DIDO1: variants seen among roughly 807,000 people sequenced by gnomAD.
DIDO1 encodes death inducer-obliterator 1, also known as death-inducer obliterator 1.
DIDO1 carries 16 observed loss-of-function variants against 99.4 expected under a neutral mutation model. The ratio of observed to expected loss-of-function variants is 0.16; its 90% CI spans 0.11 to 0.24. DIDO1 has a LOEUF of 0.24. DIDO1 is among the 10% of genes least tolerant of loss of function. The pLI is 1.00. For missense variants in DIDO1, 2,996 were observed against 3,014.0 expected (o/e 0.99, Z 0.14); for synonymous variants, 1,366 against 1,239.1 (o/e 1.10, Z -2.15).
In DIDO1 at chr20:62,906,097, C is replaced by G. The variant is rs1213807812; in HGVS notation, c.1378G>C (p.Gly460Arg). 2.5e-6 allele frequency: 4 copies of G among 1,605,522 alleles called. No individual in the cohort carries two copies. The highest frequency in any genetic ancestry group is 2.6e-6 in the Non-Finnish European group (3 of 1,175,504). Residue 460 changes from glycine (G) to arginine (R), a missense_variant, in exon 6 of 16, where the codon GGT becomes CGT. Physicochemically the swap from Gly to Arg is moderately radical, Grantham distance 125 (BLOSUM62 -2). Transcript: ENST00000395343. The stretch of plus-strand genomic sequence containing the variant: ...TTGTGCACAGAAGAGATTTTAATAC[C>G]TGCCTGGATAATCAGTAAAACCCCA... ...PSLPKCGAQA[G>R]IKISSVHKRP... is the part of the protein sequence containing the mutation.
chr20:62,930,055 C>A (rs1384647631), upstream of DIDO1, among the ~76,000 whole-genome samples: 3 of 152,036 alleles, frequency 2.0e-5, no homozygotes, highest in African/African-American at 7.2e-5. Context: ...GCCTGACCAA[C>A]ATGGTGAAAC....
chr20:62,880,938 G>A lies in DIDO1; in HGVS notation c.5018C>T (p.Pro1673Leu), dbSNP rs758594753. ...GTCCCTCTCACCGTCGTGCTGCAGCGGGAAGCCGGGCTGCAGGGCGCCGCA... is the reference window on the plus strand; with the variant it reads ...GTCCCTCTCACCGTCGTGCTGCAGCAGGAAGCCGGGCTGCAGGGCGCCGCA... Reference protein sequence around the residue: ...PPCGALQPGFPLQHDGERDPF... With the variant: ...PPCGALQPGFLLQHDGERDPF... Residue 1673 changes from proline to leucine, a missense_variant, in exon 16 of 16, where the codon CCG becomes CTG. Physicochemically the swap from Pro to Leu is moderately conservative, Grantham distance 98. Coordinates refer to ENST00000395343, the MANE Select transcript of DIDO1 (RefSeq NM_001193369.2). 8.7e-6 allele frequency: 14 copies of A among 1,608,582 alleles called. No homozygotes were observed. In the East Asian group the frequency reaches 1.3e-4, roughly 15 times the overall value.
At chr20:62,925,051 G>A (rs1464160902) in intron 1 of DIDO1, among the ~76,000 whole-genome samples, 1 of 152,168 alleles carries the variant, frequency 6.6e-6, no homozygotes, top group African/African-American at 2.4e-5. Context: ...CTTCCTGGGT[G>A]ACACTTCTGA....
chr20:62,907,134 C>T lies in DIDO1; in HGVS notation c.1374+13G>A, dbSNP rs1300381644. On this transcript the variant is annotated intron_variant, in intron 5 of 15. Transcript: ENST00000395343. ...GCGTCCACTGCCTGGGCGGCTGGTCCTGGTCCACTCACCTGAGCACCGCAT... is the reference window on the plus strand; with the variant it reads ...GCGTCCACTGCCTGGGCGGCTGGTCTTGGTCCACTCACCTGAGCACCGCAT... 1 of 1,613,928 alleles carries T rather than the reference C, an allele frequency of 6.2e-7. No individual in the cohort carries two copies. Among genetic ancestry groups the T allele is most frequent in the African/African-American group, 1.3e-5 (1 of 74,930 alleles).
rs769371080 is a variant in DIDO1, at chr20:62,879,505, G to A, written c.6451C>T (p.Arg2151Trp). Residue 2151 changes from arginine (R) to tryptophan (W), a missense_variant, in exon 16 of 16, where the codon CGG becomes TGG. This residue lies in a region of DIDO1 where 1,562 missense variants were observed against 1,412.6 expected (regional missense o/e 1.11). Coordinates refer to ENST00000395343, the MANE Select transcript of DIDO1 (RefSeq NM_001193369.2). The surrounding 1 kb of genome is among the most constrained non-coding windows in gnomAD (Gnocchi z 6.3). ...KDSSRDWDRN[R>W]ERSANRDRER... Reference sequence around the variant, plus strand: ...CGGTCGCGGTTGGCGCTCCTCTCCCGGTTTCTGTCCCAGTCCCGGCTGGAG... The same window carrying A: ...CGGTCGCGGTTGGCGCTCCTCTCCCAGTTTCTGTCCCAGTCCCGGCTGGAG... 3 of 1,597,466 alleles carry A rather than the reference G, an allele frequency of 1.9e-6. No homozygotes were observed. In the South Asian group the frequency reaches 3.3e-5, roughly 18 times the overall value.
intron 6 of DIDO1, among the ~76,000 whole-genome samples, chr20:62,903,228 G>C (rs2064722928): frequency 6.6e-6 from 1 of 152,164 alleles, no homozygotes; most frequent in Non-Finnish European, 1.5e-5. Context: ...TCTTAGCAGG[G>C]GGCACAGCCT....
intron 4 of DIDO1, among the ~76,000 whole-genome samples, chr20:62,907,588 G>A (rs954513763): frequency 5.9e-5 from 9 of 152,222 alleles, no homozygotes; most frequent in African/African-American, 2.2e-4. Context: ...AGGAGTGTGA[G>A]GAGACCCCTG....
intron 12 of DIDO1, among the ~76,000 whole-genome samples, chr20:62,893,277 A>G (rs1057033720): frequency 1.3e-5 from 2 of 152,216 alleles, no homozygotes; most frequent in African/African-American, 4.8e-5. Flanking sequence ...TGCTGGGATG[A>G]CAGGTGTGAG....
At chr20:62,916,821 G>GA (rs2065046603) in intron 1 of DIDO1, among the ~76,000 whole-genome samples, 1 of 152,152 alleles carries the variant, frequency 6.6e-6, no homozygotes, top group African/African-American at 2.4e-5. Flanking sequence ...TCTCGCCAAG[G>GA]AGCAGTTTCA....
At chr20:62,907,799 T>C (rs1207877034) in intron 4 of DIDO1, among the ~76,000 whole-genome samples, 2 of 152,242 alleles carry the variant, frequency 1.3e-5, no homozygotes, top group Non-Finnish European at 2.9e-5. Flanking sequence ...GGGTCTTTCA[T>C]GAAGAGAGAA....
intron 6 of DIDO1, among the ~76,000 whole-genome samples, chr20:62,904,505 C>T (rs191024492): frequency 2.6e-5 from 4 of 152,176 alleles, no homozygotes; most frequent in South Asian, 2.1e-4. Flanking sequence ...TTTAGCCAAG[C>T]GCTGTGGCTC....
Position 62,881,526 on chromosome 20 carries a change from T to A in DIDO1, c.4430A>T (p.Lys1477Met), listed in dbSNP as rs771155560. The stretch of plus-strand genomic sequence containing the variant: ...CTGTTTGTTCAGCTCTTCTAGCATC[T>A]TCTGTTGCTCCACCAGGGAGGGCGT... The part of the protein sequence containing the change: ...AATPSLVEQQ[K>M]MLEELNKQIE... The change falls in exon 16 of 16, where the codon AAG becomes ATG. Residue 1477 changes from lysine (K) to methionine (M), a missense_variant. Around this residue, in one of 5 missense-constraint regions of DIDO1, gnomAD observed 1,562 missense variants for 1,412.6 expected, o/e 1.11. Transcript: ENST00000395343. This position sits in a 1 kb window ranked among gnomAD's most constrained non-coding sequence, Gnocchi z 8.3. 2.0e-5 allele frequency: 33 copies of A among 1,611,452 alleles called. No homozygotes were observed. The South Asian group carries it at 3.4e-4, about 17-fold the overall frequency.
At chr20:62,887,129 C>A in intron 15 of DIDO1, 2 of 985,504 alleles carry the variant, frequency 2.0e-6, no homozygotes, top group East Asian at 1.1e-4. Flanking sequence ...GGGTGCACTG[C>A]GCTGGCTTAT....
At position 62,894,027 on chromosome 20, in the gene DIDO1, G is replaced by A; in HGVS notation, c.2740C>T (p.Pro914Ser). Residue 914 changes from proline (P) to serine (S), a missense_variant, in exon 12 of 16, where the codon CCA becomes TCA. Physicochemically the swap from Pro to Ser is moderately conservative, Grantham distance 74 (BLOSUM62 -1). Transcript: ENST00000395343. The surrounding 1 kb of genome is among the most constrained non-coding windows in gnomAD (Gnocchi z 4.4). ...GGATGAGAAGCACTTTCTAGGCCTG[G>A]CTCAGAGGCAACTTCAGGCACAGCC... is the stretch of plus-strand genomic sequence containing the variant. ...PEAVPEVASE[P>S]GLESASHPNV... is the part of the protein sequence containing the mutation. 7 of 1,614,186 alleles carry A rather than the reference G, an allele frequency of 4.3e-6. No individual in the cohort carries two copies. Among genetic ancestry groups the A allele is most frequent in the Non-Finnish European group, 5.9e-6 (7 of 1,180,040 alleles).
intron 15 of DIDO1, among the ~76,000 whole-genome samples, chr20:62,886,083 T>C (rs549736905): frequency 1.1e-4 from 17 of 152,286 alleles, no homozygotes; most frequent in Non-Finnish European, 1.2e-4. Context: ...ACCAGCCAGG[T>C]TGCGGGTGGC....
At chr20:62,887,918 C>A (rs2064322926) in intron 15 of DIDO1, 2 of 985,352 alleles carry the variant, frequency 2.0e-6, no homozygotes, top group African/African-American at 1.7e-5. Flanking sequence ...CACTGCGGGG[C>A]AGAGGGGCAG....
At chr20:62,888,777 G>A in intron 15 of DIDO1, 4 of 985,468 alleles carry the variant, frequency 4.1e-6, no homozygotes, top group Non-Finnish European at 4.8e-6. Flanking sequence ...AGCGGGCCGA[G>A]TACCCGATGG....
In DIDO1 at chr20:62,879,492, G is replaced by A. The variant is rs1305885567; in HGVS notation, c.6464C>T (p.Ala2155Val). Residue 2155 changes from alanine to valine, a missense_variant, in exon 16 of 16, where the codon GCC (alanine) becomes GTC (valine). By Grantham distance (64) the Ala-to-Val change is moderately conservative. Coordinates refer to ENST00000395343, the MANE Select transcript of DIDO1 (RefSeq NM_001193369.2). This position sits in a 1 kb window ranked among gnomAD's most constrained non-coding sequence, Gnocchi z 6.3. ...RDWDRNRERS[A>V]NRDREREADR... ...GGCCTCGCGCTCTCGGTCGCGGTTG[G>A]CGCTCCTCTCCCGGTTTCTGTCCCA... The A allele has an allele frequency of 5.0e-6, 8 of 1,592,556 alleles. No individual in the cohort carries two copies. The highest frequency in any genetic ancestry group is 6.8e-6 in the Non-Finnish European group (8 of 1,176,282).
chr20:62,929,812 C>A (rs1210978604), upstream of DIDO1, among the ~76,000 whole-genome samples: 16 of 148,888 alleles, frequency 1.1e-4, no homozygotes, highest in African/African-American at 4.0e-4. Flanking sequence ...TTGTATAAGG[C>A]CAGCTAACTT....
Sources: allele counts gnomAD v4.1 joint callset (sites outside exome capture counted in the v4.1 genomes callset), GRCh38; gene constraint gnomAD v4.1.1; regional missense constraint gnomAD v4.1.1; non-coding constraint Gnocchi (gnomAD v3.1); transcripts MANE v1.5; gene names NCBI Gene and HGNC (gene_info 2026-07-23, HGNC 2026-07-21).